RRAGC: variants seen among roughly 807,000 people sequenced by gnomAD.
RRAGC encodes Ras related GTP binding C, also known as ras-related GTP-binding protein C.
In RRAGC, 8 loss-of-function variants were observed where a neutral mutation model predicts 37.1. The observed-to-expected ratio is 0.22, with a 90% CI of 0.13 to 0.39. The LOEUF is 0.39. Ranked by LOEUF, RRAGC falls within the 10% of genes least tolerant of loss-of-function variation. The probability of loss-of-function intolerance (pLI) is 1.00; values close to 1 mark genes in which losing one functional copy is unlikely to be tolerated. For missense variants in RRAGC, 342 were observed against 497.6 expected (o/e 0.69, Z 2.98); for synonymous variants, 190 against 181.1 (o/e 1.05, Z -0.39).
Position 38,846,673 on chromosome 1 carries a change from CAA to C in RRAGC, c.900-588_900-587del, listed in dbSNP as rs1378124408. On this transcript the variant is annotated intron_variant, in intron 5 of 6. Transcript: ENST00000373001. ...CAACTTTTAAAAAGAGATACGGACT[CAA>C]GAGTCTTTTCTGATGTACTTGCCTA... 2.0e-5 allele frequency: 3 copies of C among 152,120 alleles called. No homozygotes were observed. The East Asian group carries it at 5.8e-4, about 29-fold the overall frequency. The allele number at this position is 152,120 out of a possible 1,614,324, so 9.4% of individuals were successfully genotyped here.
At chr1:38,843,644 C>T (rs1641992355) in intron 6 of RRAGC, among the ~76,000 whole-genome samples, 1 of 148,952 alleles carries the variant, frequency 6.7e-6, no homozygotes, top group African/African-American at 2.5e-5. Context: ...GATGTGAACC[C>T]GGGAGGCGGA....
chr1:38,842,804 A>G (rs1428709949), intron 6 of RRAGC, among the ~76,000 whole-genome samples: 2 of 152,244 alleles, frequency 1.3e-5, no homozygotes, highest in African/African-American at 2.4e-5. Flanking sequence ...GTCAACCTGT[A>G]GAATACTATA....
intron 6 of RRAGC, among the ~76,000 whole-genome samples, chr1:38,840,744 G>A (rs986582687): frequency 6.6e-6 from 1 of 152,232 alleles, no homozygotes; most frequent in Non-Finnish European, 1.5e-5. Flanking sequence ...TGACTGGAGA[G>A]TGGGACATCA....
chr1:38,843,332 G>T (rs994543996), intron 6 of RRAGC, among the ~76,000 whole-genome samples: 8 of 151,380 alleles, frequency 5.3e-5, no homozygotes, highest in Non-Finnish European at 1.0e-4. Flanking sequence ...AAAAAAAAAA[G>T]ATTTTAACTG....
At chr1:38,851,877 C>CA (rs1414837814) in intron 4 of RRAGC, 120 bp from the exon 5 acceptor site, 7 of 792,132 alleles carry the variant, frequency 8.8e-6, no homozygotes, top group Admixed American at 3.0e-5. Flanking sequence ...AACCCAATAC[C>CA]AAAAAACAAA....
At position 38,839,535 on chromosome 1, in the gene RRAGC, C is replaced by G; in HGVS notation, c.*18G>C. 1 of 1,613,330 alleles carries G rather than the reference C, an allele frequency of 6.2e-7. No individual in the cohort carries two copies. Among genetic ancestry groups the G allele is most frequent in the Non-Finnish European group, 8.5e-7 (1 of 1,179,516 alleles). The stretch of plus-strand genomic sequence containing the variant: ...GTGAAGAGTAAGCTGGCACAGAGCC[C>G]CGACGCTGGGATTCAGACTAGATGG... On this transcript the variant is annotated 3_prime_UTR_variant, in exon 7 of 7. Transcript: ENST00000373001.
At position 38,859,717 on chromosome 1, in the gene RRAGC, T is replaced by TCCGCCTCCGCCGCCGCCG; in HGVS notation, c.-89_-72dup. ...CCGAGCCAGGCCGCCGCCTCCCCAG[T>TCCGCCTCCGCCGCCGCCG]CCGCCTCCGCCGCCGCCGCCACCAC... is the stretch of plus-strand genomic sequence containing the variant. On this transcript the variant is annotated 5_prime_UTR_variant, in exon 1 of 7. Coordinates refer to ENST00000373001, the MANE Select transcript of RRAGC (RefSeq NM_022157.4). The TCCGCCTCCGCCGCCGCCG allele has an allele frequency of 8.3e-7, 1 of 1,203,428 alleles. No homozygotes were observed. The highest frequency in any genetic ancestry group is 1.0e-6 in the Non-Finnish European group (1 of 956,738). The allele number at this position is 1,203,428 out of a possible 1,614,324, so 74.5% of individuals were successfully genotyped here.
At chr1:38,857,218 A>C in intron 1 of RRAGC, 136 bp from the exon 2 acceptor site, 1 of 622,202 alleles carries the variant, frequency 1.6e-6, no homozygotes. Flanking sequence ...TGAATGGTGA[A>C]TCCATTGGTA....
chr1:38,855,981 C>G, intron 2 of RRAGC, 74 bp from the exon 3 acceptor site: 1 of 979,538 alleles, frequency 1.0e-6, no homozygotes, highest in Non-Finnish European at 1.5e-6. Context: ...CCTCAAACCA[C>G]CTCTTTCCCC....
At chr1:38,854,935 A>C (rs1263299504) in intron 3 of RRAGC, among the ~76,000 whole-genome samples, 2 of 152,198 alleles carry the variant, frequency 1.3e-5, no homozygotes, top group African/African-American at 4.8e-5. Context: ...GTACTTTTTA[A>C]TACTCATTTC....
At chr1:38,849,100 CAAAAAAAAAA>C (rs562731544) in intron 5 of RRAGC, among the ~76,000 whole-genome samples, 2 of 116,478 alleles carry the variant, frequency 1.7e-5, no homozygotes, top group African/African-American at 6.3e-5. Flanking sequence ...GACCATGTCT[CAAAAAAAAAA>C]AAGAAAAAAA....
intron 5 of RRAGC, chr1:38,846,302 A>C: frequency 2.2e-6 from 1 of 457,548 alleles, no homozygotes; most frequent in Non-Finnish European, 3.8e-6. Flanking sequence ...CACATCCTTT[A>C]ATATAGATAA....
intron 6 of RRAGC, among the ~76,000 whole-genome samples, chr1:38,845,269 T>G (rs1041070275): frequency 1.3e-5 from 2 of 152,162 alleles, no homozygotes; most frequent in Admixed American, 1.3e-4. Flanking sequence ...ATGTGGCACA[T>G]ATACATCATG....
rs544809840 is a variant in RRAGC, at chr1:38,846,213, T to C, written c.900-126A>G. ...GGGAAAGAATACTGGCTTAAACATA[T>C]TGGGAGAGAGTGTTGTTAAGGTATA... On this transcript the variant is annotated intron_variant, in intron 5 of 6. Coordinates refer to ENST00000373001, the MANE Select transcript of RRAGC (RefSeq NM_022157.4). 29 of 749,496 alleles carry C rather than the reference T, an allele frequency of 3.9e-5. No individual in the cohort carries two copies. In the Admixed American group the frequency reaches 6.0e-4, roughly 15 times the overall value. The allele number at this position is 749,496 out of a possible 1,614,324, so 46.4% of individuals were successfully genotyped here. A position where few individuals can be genotyped will look rare whatever the true frequency, so the allele number is the denominator to read the frequency against.
At chr1:38,849,390 G>A (rs1452334083) in intron 5 of RRAGC, among the ~76,000 whole-genome samples, 2 of 152,094 alleles carry the variant, frequency 1.3e-5, no homozygotes, top group Non-Finnish European at 2.9e-5. Context: ...TATGTATAAG[G>A]TATTTTAAAA....
In RRAGC at chr1:38,859,736, C is replaced by A. The variant is rs2124239435; in HGVS notation, c.-90G>T. 1.8e-6 allele frequency: 2 copies of A among 1,092,362 alleles called. No homozygotes were observed. The highest frequency in any genetic ancestry group is 1.6e-5 in the African/African-American group (1 of 60,818). 67.7% of individuals were successfully genotyped at this position (1,092,362 alleles called of 1,614,324 possible). The stretch of plus-strand genomic sequence containing the variant: ...CCCCAGTCCGCCTCCGCCGCCGCCG[C>A]CACCACCGCCACCGCCCCCGGCAGC... On this transcript the variant is annotated 5_prime_UTR_variant, in exon 1 of 7. Coordinates refer to ENST00000373001, the MANE Select transcript of RRAGC (RefSeq NM_022157.4).
Position 38,846,062 on chromosome 1 carries a change from C to T in RRAGC, c.925G>A (p.Ala309Thr). 3 of 1,609,642 alleles carry T rather than the reference C, an allele frequency of 1.9e-6. No homozygotes were observed. Among genetic ancestry groups the T allele is most frequent in the Non-Finnish European group, 2.5e-6 (3 of 1,177,556 alleles). Residue 309 changes from alanine to threonine, a missense_variant, in exon 6 of 7, where the codon GCT becomes ACT. Ala to Thr is a moderately conservative substitution (Grantham distance 58). Coordinates refer to ENST00000373001, the MANE Select transcript of RRAGC (RefSeq NM_022157.4). ...ATTGCCATAGATTCTTTGTCATAAG[C>T]ACTTCCACTTCCATCTTCCTTTAAC... is the stretch of plus-strand genomic sequence containing the variant. ...YGLKEDGSGSAYDKESMAIIK... is the reference protein window; with the variant it reads ...YGLKEDGSGSTYDKESMAIIK...
intron 6 of RRAGC, 93 bp from the exon 7 acceptor site, chr1:38,839,797 C>T (rs1309894955): frequency 3.1e-6 from 4 of 1,283,120 alleles, no homozygotes; most frequent in Non-Finnish European, 4.4e-6. Context: ...CGGATAAACA[C>T]TGGTTGGAAA....
intron 3 of RRAGC, among the ~76,000 whole-genome samples, chr1:38,853,005 C>T (rs999505728): frequency 6.6e-6 from 1 of 152,176 alleles, no homozygotes; most frequent in Non-Finnish European, 1.5e-5. Context: ...GTACTTAAAA[C>T]GATACTATAC....
Sources: gnomAD v4.1 joint callset for allele counts (sites outside exome capture counted in the v4.1 genomes callset) on GRCh38, gnomAD v4.1.1 for gene constraint, MANE v1.5 for transcripts, NCBI Gene and HGNC (gene_info 2026-07-23, HGNC 2026-07-21) for gene names.